Variants in UBE3A observed in about 807,000 individuals in gnomAD.
UBE3A encodes the protein ubiquitin-protein ligase E3A.
A neutral mutation model predicts 83.4 loss-of-function variants in UBE3A; 6 were observed. The observed-to-expected ratio is 0.07, with a 90% confidence interval of 0.04 to 0.14. UBE3A has a LOEUF of 0.14. Ranked by LOEUF, UBE3A falls within the 10% of genes least tolerant of loss-of-function variation. The pLI, the probability that UBE3A is intolerant of heterozygous loss-of-function variation, is 1.00. For missense variants in UBE3A, 456 were observed against 1,036.1 expected (o/e 0.44, Z 7.69); for synonymous variants, 337 against 355.4 (o/e 0.95, Z 0.58).
At chr15:25,342,761 G>C (rs1029622708) in intron 11 of UBE3A, among the ~76,000 whole-genome samples, 1 of 151,742 alleles carries the variant, frequency 6.6e-6, no homozygotes, top group South Asian at 2.1e-4. Context: ...AGAGTGGCTT[G>C]TGCGGAATCA....
intron 1 of UBE3A, among the ~76,000 whole-genome samples, chr15:25,427,882 C>G (rs1453006944): frequency 1.3e-5 from 2 of 150,746 alleles, no homozygotes; most frequent in Non-Finnish European, 2.9e-5. Context: ...TTTATACACA[C>G]AGTGGAATAC....
chr15:25,398,785 A>AATATATATATATATTCTTTTATT (rs1242882764), intron 4 of UBE3A, among the ~76,000 whole-genome samples: 20 of 35,368 alleles, frequency 5.7e-4, no homozygotes, highest in African/African-American at 2.0e-3. Flanking sequence ...ATATATATAT[A>AATATATATATATATTCTTTTATT]TATATATATA....
intron 6 of UBE3A, among the ~76,000 whole-genome samples, chr15:25,363,997 G>A (rs1037724834): frequency 4.6e-5 from 7 of 151,270 alleles, no homozygotes; most frequent in Non-Finnish European, 8.8e-5. Context: ...TTTGAGATCA[G>A]CCTGGGCAAC....
Position 25,375,381 on chromosome 15 carries a change from G to GA in UBE3A, c.361+83dup, listed in dbSNP as rs1163584874. 8 of 1,493,252 alleles carry GA rather than the reference G, an allele frequency of 5.4e-6. No homozygotes were observed. The Admixed American group carries it at 1.1e-4, about 20-fold the overall frequency. 92.5% of individuals were successfully genotyped at this position (1,493,252 alleles called of 1,614,324 possible). A position where few individuals can be genotyped will look rare whatever the true frequency, so the allele number is the denominator to read the frequency against. On this transcript the variant is annotated intron_variant, in intron 5 of 12. Coordinates refer to ENST00000648336, the MANE Select transcript of UBE3A (RefSeq NM_130839.5). ...ATCAAAATGTCTTTATGTCACAGAAGAAAAAACAAATAAAAACTAATACAT... is the reference window on the plus strand; with the variant it reads ...ATCAAAATGTCTTTATGTCACAGAAGAAAAAAACAAATAAAAACTAATACAT...
Position 25,371,932 on chromosome 15 carries a change from A to T in UBE3A, c.362-120T>A. 2 of 1,001,582 alleles carry T rather than the reference A, an allele frequency of 2.0e-6. No homozygotes were observed. The highest frequency in any genetic ancestry group is 2.9e-6 in the Non-Finnish European group (2 of 698,726). 62.0% of individuals were successfully genotyped at this position (1,001,582 alleles called of 1,614,324 possible). On this transcript the variant is annotated intron_variant, in intron 5 of 12. Coordinates refer to ENST00000648336, the MANE Select transcript of UBE3A (RefSeq NM_130839.5). The surrounding 1 kb of genome is among the most constrained non-coding windows in gnomAD (Gnocchi z 5.3). Reference sequence around the variant, plus strand: ...CTAGGCTCAATATCATTTATGATATACAACTCTTAAAGTATCTAATACTTA... The same window carrying T: ...CTAGGCTCAATATCATTTATGATATTCAACTCTTAAAGTATCTAATACTTA...
intron 1 of UBE3A, among the ~76,000 whole-genome samples, chr15:25,425,175 G>C (rs1400443454): frequency 6.6e-6 from 1 of 152,062 alleles, no homozygotes; most frequent in African/African-American, 2.4e-5. Flanking sequence ...AACATACCTT[G>C]AAAATACCAT....
rs539039175 is a variant in UBE3A at position 25,370,312 on chromosome 15, AGTTTTC to A, written c.1608+248_1608+253del. On this transcript the variant is annotated intron_variant, in intron 6 of 12. Coordinates refer to ENST00000648336, the MANE Select transcript of UBE3A (RefSeq NM_130839.5). The surrounding 1 kb of genome is among the most constrained non-coding windows in gnomAD (Gnocchi z 4.2). ...TCTGAATGAAAGAAACTTTGGATTT[AGTTTTC>A]AAGATTTAGAAAACCCATTCTTTTT... Among the ~76,000 whole-genome samples, 5 of 152,330 alleles carry A rather than the reference AGTTTTC, an allele frequency of 3.3e-5. No homozygotes were observed. The South Asian group carries it at 1.0e-3, about 32-fold the overall frequency.
chr15:25,357,194 CT>C (rs1193574825), intron 7 of UBE3A: 1 of 218,332 alleles, frequency 4.6e-6, no homozygotes, highest in Non-Finnish European at 9.2e-6. Flanking sequence ...TTCTAATTTT[CT>C]ACTAACACAT....
chr15:25,411,485 G>A (rs1241485856), intron 2 of UBE3A, among the ~76,000 whole-genome samples: 1 of 152,128 alleles, frequency 6.6e-6, no homozygotes, highest in Non-Finnish European at 1.5e-5. Context: ...AGCTACCTGG[G>A]AGGCCAAGGC....
At chr15:25,340,972 G>A (rs989916939) in intron 11 of UBE3A, among the ~76,000 whole-genome samples, 4 of 152,058 alleles carry the variant, frequency 2.6e-5, no homozygotes, top group Admixed American at 1.3e-4. Flanking sequence ...GTTAGTTTGA[G>A]TTCTAAAAAA....
chr15:25,423,885 T>G (rs1193034903), intron 1 of UBE3A, among the ~76,000 whole-genome samples: 2 of 152,168 alleles, frequency 1.3e-5, no homozygotes, highest in African/African-American at 4.8e-5. Flanking sequence ...CCAAATCCTA[T>G]GGACTCTATT....
intron 4 of UBE3A, among the ~76,000 whole-genome samples, chr15:25,380,202 C>G (rs546768620): frequency 6.6e-6 from 1 of 152,184 alleles, no homozygotes; most frequent in African/African-American, 2.4e-5. Flanking sequence ...ATTCTGAAGC[C>G]TTCCCAGCCA....
At chr15:25,364,811 T>G (rs2078804091) in intron 6 of UBE3A, among the ~76,000 whole-genome samples, 1 of 151,552 alleles carries the variant, frequency 6.6e-6, no homozygotes, top group South Asian at 2.1e-4. Context: ...GCCTGGCTAT[T>G]TTTTTTTGTA....
intron 3 of UBE3A, among the ~76,000 whole-genome samples, chr15:25,406,534 T>A (rs1308795939): frequency 6.6e-6 from 1 of 152,148 alleles, no homozygotes; most frequent in Non-Finnish European, 1.5e-5. Context: ...AATATTGATT[T>A]CTAACACTTA....
In UBE3A at chr15:25,375,683, T is replaced by C. The variant is rs749643187; in HGVS notation, c.143A>G (p.Asn48Ser). 6.2e-7 allele frequency: 1 copy of C among 1,614,170 alleles called. No homozygotes were observed. The change falls in exon 5 of 13, where the codon AAT becomes AGT. Residue 48 changes from asparagine to serine, a missense_variant. Coordinates refer to ENST00000648336, the MANE Select transcript of UBE3A (RefSeq NM_130839.5). ...TEGCGNEACT[N>S]EFCASCPTFL... Reference sequence around the variant, plus strand: ...AGTTGGACAGGAAGCACAAAACTCATTCGTGCAGGCTTCATTTCCACAGCC... The same window carrying C: ...AGTTGGACAGGAAGCACAAAACTCACTCGTGCAGGCTTCATTTCCACAGCC...
chr15:25,339,924 C>T lies in UBE3A; in HGVS notation c.2498+161G>A, dbSNP rs1343632658. Reference sequence around the variant, plus strand: ...GGGCAATTTCTTAAAAGTTTCCTCACACAATGACAGCAAAGTATTTTCTCA... The same window carrying T: ...GGGCAATTTCTTAAAAGTTTCCTCATACAATGACAGCAAAGTATTTTCTCA... On this transcript the variant is annotated intron_variant, in intron 12 of 12. Coordinates refer to ENST00000648336, the MANE Select transcript of UBE3A (RefSeq NM_130839.5). 9.1e-6 allele frequency: 9 copies of T among 992,568 alleles called. No individual in the cohort carries two copies. In the Admixed American group the frequency reaches 2.1e-4, roughly 23 times the overall value. The allele number at this position is 992,568 out of a possible 1,614,324, so 61.5% of individuals were successfully genotyped here.
At chr15:25,406,136 G>A (rs945076228) in intron 3 of UBE3A, among the ~76,000 whole-genome samples, 2 of 152,116 alleles carry the variant, frequency 1.3e-5, no homozygotes, top group Non-Finnish European at 1.5e-5. Flanking sequence ...TGTGCCAACC[G>A]CTACCGCTAC....
intron 6 of UBE3A, among the ~76,000 whole-genome samples, chr15:25,362,644 G>GA: frequency 6.6e-6 from 1 of 152,208 alleles, no homozygotes; most frequent in African/African-American, 2.4e-5. Flanking sequence ...TAACCTTGGG[G>GA]AAAAAAATAG....
chr15:25,435,947 T>C (rs770303656), intron 1 of UBE3A, among the ~76,000 whole-genome samples: 7 of 152,234 alleles, frequency 4.6e-5, no homozygotes, highest in Non-Finnish European at 7.3e-5. Context: ...GTAATACTTA[T>C]TGAGTGCCTA....
Sources: allele counts gnomAD v4.1 joint callset (sites outside exome capture counted in the v4.1 genomes callset), GRCh38; gene constraint gnomAD v4.1.1; non-coding constraint Gnocchi (gnomAD v3.1); transcripts MANE v1.5; gene names NCBI Gene and HGNC (gene_info 2026-07-23, HGNC 2026-07-21).